CSPP1: variants seen among roughly 807,000 people sequenced by gnomAD.
CSPP1 encodes centrosome and spindle pole associated protein 1.
A neutral mutation model predicts 164.4 loss-of-function variants in CSPP1; 126 were observed. The ratio of observed to expected loss-of-function variants is 0.77; its 90% CI spans 0.66 to 0.89. The LOEUF (loss-of-function observed/expected upper bound fraction) is 0.89, where lower values mean the gene tolerates loss of function less well. Among genes scored for constraint, CSPP1 ranks in the 40% least tolerant of loss-of-function variants. The probability of loss-of-function intolerance (pLI) is 0.00; values close to 1 mark genes in which losing one functional copy is unlikely to be tolerated. For missense variants in CSPP1, 1,395 were observed against 1,449.8 expected (o/e 0.96, Z 0.61); for synonymous variants, 472 against 476.7 (o/e 0.99, Z 0.13).
At chr8:67,186,963 T>A (rs1320905698) in intron 28 of CSPP1, among the ~76,000 whole-genome samples, 2 of 144,578 alleles carry the variant, frequency 1.4e-5, no homozygotes, top group East Asian at 4.1e-4. Context: ...GGTATAAATC[T>A]ATCTATCATC....
intron 3 of CSPP1, 116 bp from the exon 4 acceptor site, chr8:67,085,891 A>T (rs1810294101): frequency 6.3e-6 from 4 of 631,186 alleles, no homozygotes; most frequent in Non-Finnish European, 1.1e-5. Flanking sequence ...ACTTACCCTA[A>T]TCCTACTCTT....
intron 19 of CSPP1, among the ~76,000 whole-genome samples, chr8:67,157,173 T>A (rs539111784): frequency 6.6e-6 from 1 of 152,304 alleles, no homozygotes; most frequent in East Asian, 1.9e-4. Flanking sequence ...AAGAAGTGAT[T>A]GCATGCAAAT....
At chr8:67,089,456 A>G (rs989551058) in intron 4 of CSPP1, among the ~76,000 whole-genome samples, 2 of 152,220 alleles carry the variant, frequency 1.3e-5, no homozygotes, top group Non-Finnish European at 2.9e-5. Context: ...ACCATGTCCA[A>G]AAGAGAATTC....
chr8:67,105,804 GAAA>G (rs1815383758), intron 8 of CSPP1, 98 bp from the exon 9 acceptor site: 2 of 691,000 alleles, frequency 2.9e-6, no homozygotes, highest in Non-Finnish European at 5.2e-6. Flanking sequence ...ATAGTACTTT[GAAA>G]GGCTAATAAT....
At chr8:67,190,477 T>G (rs929455299) in intron 28 of CSPP1, among the ~76,000 whole-genome samples, 173 bp from the exon 29 acceptor site, 1 of 152,156 alleles carries the variant, frequency 6.6e-6, no homozygotes, top group African/African-American at 2.4e-5. Flanking sequence ...AAAGTGATGA[T>G]TGTACAACTC....
At chr8:67,189,088 A>T (rs1341053768) in intron 28 of CSPP1, among the ~76,000 whole-genome samples, 3 of 152,202 alleles carry the variant, frequency 2.0e-5, no homozygotes, top group Non-Finnish European at 4.4e-5. Flanking sequence ...CATACCTGCT[A>T]GAATGGCCAG....
intron 4 of CSPP1, among the ~76,000 whole-genome samples, chr8:67,089,953 C>T (rs1029782443): frequency 2.0e-5 from 3 of 151,798 alleles, no homozygotes; most frequent in Non-Finnish European, 4.4e-5. Context: ...CACTCCCTGC[C>T]TATGTTGTTG....
At chr8:67,187,944 G>GA (rs1835127886) in intron 28 of CSPP1, among the ~76,000 whole-genome samples, 3 of 152,146 alleles carry the variant, frequency 2.0e-5, no homozygotes, top group Admixed American at 6.5e-5. Flanking sequence ...GATAACAACA[G>GA]AAAATCTAGA....
chr8:67,159,900 C>CTTTCTTTCTT (rs1827611980), intron 21 of CSPP1, among the ~76,000 whole-genome samples: 1 of 66,754 alleles, frequency 1.5e-5, no homozygotes, highest in Non-Finnish European at 2.7e-5. Flanking sequence ...TTCTTTCTTT[C>CTTTCTTTCTT]TTTCTTTCTT....
At position 67,086,089 on chromosome 8, in the gene CSPP1, T is replaced by C; in HGVS notation, c.282T>C (p.Asp94=). 7.0e-7 allele frequency: 1 copy of C among 1,433,326 alleles called. No individual in the cohort carries two copies. Among genetic ancestry groups the C allele is most frequent in the Non-Finnish European group, 9.8e-7 (1 of 1,015,272 alleles). 88.8% of individuals were successfully genotyped at this position (1,433,326 alleles called of 1,614,324 possible). ...KHKLKEELRQ[D]YRRYLTQKNF... is the part of the protein sequence containing the mutation. ...AATTAAAAGAAGAATTGCGGCAAGA[T>C]TACAGACGTTATCTTACTCAGGTAA... The change falls in exon 4 of 31, where the codon GAT becomes GAC. Residue 94 remains aspartate (D), a synonymous_variant. Coordinates refer to ENST00000678616, the MANE Select transcript of CSPP1 (RefSeq NM_001382391.1).
At chr8:67,162,846 C>G (rs1399262743) in intron 22 of CSPP1, among the ~76,000 whole-genome samples, 1 of 152,040 alleles carries the variant, frequency 6.6e-6, no homozygotes, top group African/African-American at 2.4e-5. Flanking sequence ...TGATAACTTT[C>G]AAGTTTTTGG....
At chr8:67,093,472 T>G in intron 5 of CSPP1, 71 bp from the exon 6 acceptor site, 1 of 866,712 alleles carries the variant, frequency 1.2e-6, no homozygotes, top group Non-Finnish European at 1.9e-6. Flanking sequence ...TTTGACATTC[T>G]GATAGGACAT....
intron 29 of CSPP1, 78 bp from the exon 30 acceptor site, chr8:67,193,386 C>G: frequency 7.6e-7 from 1 of 1,324,420 alleles, no homozygotes; most frequent in East Asian, 2.4e-5. Context: ...TGATAGGCAC[C>G]ATGCCTGGCC....
At chr8:67,132,250 A>T (rs920169183) in intron 16 of CSPP1, among the ~76,000 whole-genome samples, 170 bp downstream of exon 16, 5 of 152,208 alleles carry the variant, frequency 3.3e-5, no homozygotes, top group African/African-American at 1.2e-4. Flanking sequence ...AAGATAGGGA[A>T]AATAATTGCC....
chr8:67,085,551 T>C (rs1228763906), intron 3 of CSPP1, among the ~76,000 whole-genome samples: 2 of 152,090 alleles, frequency 1.3e-5, no homozygotes, highest in Non-Finnish European at 2.9e-5. Flanking sequence ...GAAATTAGTG[T>C]ATAATTAAGT....
In CSPP1 at chr8:67,085,510, A is replaced by G. The variant is rs866373264; in HGVS notation, c.200-497A>G. Among the ~76,000 whole-genome samples, 3 of 152,222 alleles carry G rather than the reference A, an allele frequency of 2.0e-5. No homozygotes were observed. The Middle Eastern group carries it at 0.01, about 518-fold the overall frequency. On this transcript the variant is annotated intron_variant, in intron 3 of 30. Transcript: ENST00000678616. ...AGTTTTCCTAGACTGAAAATGATGC[A>G]TTAAAATTGTTGTTGGTATTTATTT...
intron 17 of CSPP1, among the ~76,000 whole-genome samples, chr8:67,144,139 A>T (rs968758388): frequency 6.6e-6 from 1 of 152,146 alleles, no homozygotes; most frequent in African/African-American, 2.4e-5. Flanking sequence ...TTGTGAGTGT[A>T]TGTTGAATTT....
chr8:67,077,655 A>G (rs531080155), intron 3 of CSPP1, among the ~76,000 whole-genome samples: 7 of 152,324 alleles, frequency 4.6e-5, no homozygotes, highest in Middle Eastern at 6.8e-3. Flanking sequence ...AATATTTTCA[A>G]TGTGCATTTT....
At chr8:67,116,844 T>C (rs981067814) in intron 13 of CSPP1, among the ~76,000 whole-genome samples, 6 of 152,286 alleles carry the variant, frequency 3.9e-5, no homozygotes, top group East Asian at 3.9e-4. Flanking sequence ...TTTTTGAACA[T>C]TGATATTTTC....
Sources: gnomAD v4.1 joint callset for allele counts (sites outside exome capture counted in the v4.1 genomes callset) on GRCh38, gnomAD v4.1.1 for gene constraint, MANE v1.5 for transcripts, NCBI Gene and HGNC (gene_info 2026-07-23, HGNC 2026-07-21) for gene names.